Variants in TGFBR2 observed in about 807,000 individuals in gnomAD.
TGFBR2 encodes the protein transforming growth factor beta receptor 2.
A neutral mutation model predicts 49.0 loss-of-function variants in TGFBR2; 18 were observed. The ratio of observed to expected loss-of-function variants is 0.37; its 90% CI spans 0.25 to 0.54. The LOEUF (loss-of-function observed/expected upper bound fraction) is 0.54, where lower values mean the gene tolerates loss of function less well. TGFBR2 is among the 20% of genes least tolerant of loss of function. TGFBR2 has a pLI of 0.85. For synonymous variants in TGFBR2, 282 were observed against 275.9 expected (o/e 1.02, Z -0.22); for missense variants, 525 against 722.6 (o/e 0.73, Z 3.13).
At chr3:30,608,576 A>G (rs1697977580) in intron 1 of TGFBR2, among the ~76,000 whole-genome samples, 1 of 152,190 alleles carries the variant, frequency 6.6e-6, no homozygotes, top group African/African-American at 2.4e-5. Flanking sequence ...TTGTCTAGAA[A>G]AAATGCGCAT....
At chr3:30,636,700 C>T (rs1485411027) in intron 1 of TGFBR2, among the ~76,000 whole-genome samples, 1 of 151,406 alleles carries the variant, frequency 6.6e-6, no homozygotes, top group Non-Finnish European at 1.5e-5. Flanking sequence ...CTCCCAGAGA[C>T]CGTCTAAATA....
chr3:30,688,662 T>C lies in TGFBR2; in HGVS notation c.1524+151T>C, dbSNP rs867781770. The C allele has an allele frequency of 1.3e-4, 141 of 1,093,064 alleles. No individual in the cohort carries two copies. The South Asian group carries it at 1.5e-3, about 11-fold the overall frequency. The allele number at this position is 1,093,064 out of a possible 1,614,324, so 67.7% of individuals were successfully genotyped here. A position where few individuals can be genotyped will look rare whatever the true frequency, so the allele number is the denominator to read the frequency against. The stretch of plus-strand genomic sequence containing the variant: ...ATTTTGTTTATAAAGCAAATTTCAA[T>C]ACAGTGGATAACCCAATTATTATAG... On this transcript the variant is annotated intron_variant, in intron 6 of 6. Transcript: ENST00000295754.
chr3:30,608,683 A>G (rs999091828), intron 1 of TGFBR2, among the ~76,000 whole-genome samples: 2 of 152,210 alleles, frequency 1.3e-5, no homozygotes, highest in Non-Finnish European at 2.9e-5. Flanking sequence ...GGAAGCTTTT[A>G]ATCAAATTAG....
chr3:30,661,563 C>G, intron 3 of TGFBR2: 1 of 514,352 alleles, frequency 1.9e-6, no homozygotes, highest in Non-Finnish European at 3.9e-6. Context: ...TAGGTTCAAA[C>G]AATCGATTGC....
chr3:30,642,353 T>C (rs1698662223), intron 1 of TGFBR2, among the ~76,000 whole-genome samples: 1 of 152,176 alleles, frequency 6.6e-6, no homozygotes, highest in Admixed American at 6.5e-5. Flanking sequence ...ATTGTGTTTT[T>C]TCCAACTAAC....
At chr3:30,663,091 A>C (rs1699167557) in intron 3 of TGFBR2, among the ~76,000 whole-genome samples, 1 of 152,212 alleles carries the variant, frequency 6.6e-6, no homozygotes, top group Non-Finnish European at 1.5e-5. Flanking sequence ...GTAACATGCC[A>C]ACAAAATTTT....
chr3:30,662,001 CTG>C (rs1269355341), intron 3 of TGFBR2, among the ~76,000 whole-genome samples: 12 of 152,032 alleles, frequency 7.9e-5, no homozygotes, highest in Non-Finnish European at 1.8e-4. Context: ...GAAAACATGG[CTG>C]TTCAACCTGA....
chr3:30,651,800 A>G (rs1698893133), intron 3 of TGFBR2, among the ~76,000 whole-genome samples: 1 of 152,268 alleles, frequency 6.6e-6, no homozygotes, highest in African/African-American at 2.4e-5. Flanking sequence ...GGATGTAAGC[A>G]TATGGATTTC....
intron 1 of TGFBR2, among the ~76,000 whole-genome samples, chr3:30,624,100 G>T (rs1265713712): frequency 6.6e-6 from 1 of 152,098 alleles, no homozygotes; most frequent in East Asian, 1.9e-4. Context: ...CCGAGATCAT[G>T]CCATTGCACT....
chr3:30,607,827 AT>A (rs1459135281), intron 1 of TGFBR2, among the ~76,000 whole-genome samples: 1 of 132,740 alleles, frequency 7.5e-6, no homozygotes, highest in Non-Finnish European at 1.5e-5. Flanking sequence ...ATATATATAA[AT>A]ATATATATAA....
At chr3:30,662,583 A>C (rs1388868094) in intron 3 of TGFBR2, among the ~76,000 whole-genome samples, 1 of 152,248 alleles carries the variant, frequency 6.6e-6, no homozygotes, top group African/African-American at 2.4e-5. Context: ...CTAGAAGTTA[A>C]ATTAAATCCT....
chr3:30,660,963 G>A (rs1006589638), intron 3 of TGFBR2, among the ~76,000 whole-genome samples: 2 of 152,192 alleles, frequency 1.3e-5, no homozygotes, highest in African/African-American at 4.8e-5. Context: ...CACCTGGAAA[G>A]CCAGGGAGAG....
At chr3:30,646,490 C>G (rs1352734839) in intron 2 of TGFBR2, among the ~76,000 whole-genome samples, 3 of 152,152 alleles carry the variant, frequency 2.0e-5, no homozygotes, top group African/African-American at 7.2e-5. Context: ...AATTGAAAGG[C>G]TCTCAGGTAG....
chr3:30,613,843 A>G (rs1424296406), intron 1 of TGFBR2, among the ~76,000 whole-genome samples: 1 of 152,142 alleles, frequency 6.6e-6, no homozygotes, highest in African/African-American at 2.4e-5. Context: ...AAATGTTTTG[A>G]CTTATGGTAC....
Position 30,651,326 on chromosome 3 carries a change from T to A in TGFBR2, c.454+866T>A, listed in dbSNP as rs1559459291. 2.0e-5 allele frequency among the ~76,000 whole-genome samples: 3 copies of A among 152,164 alleles called. No individual in the cohort carries two copies. In the South Asian group the frequency reaches 6.2e-4, roughly 31 times the overall value. On this transcript the variant is annotated intron_variant, in intron 3 of 6. Transcript: ENST00000295754. ...AATGTATTAGATGCACACACGTCTC[T>A]ATCATTCATTCATATTATCTCCCAC...
chr3:30,634,658 T>A (rs1047618844), intron 1 of TGFBR2, among the ~76,000 whole-genome samples: 3 of 152,244 alleles, frequency 2.0e-5, no homozygotes, highest in African/African-American at 7.2e-5. Context: ...TCTGTGCCAT[T>A]TACCAATGTT....
intron 2 of TGFBR2, among the ~76,000 whole-genome samples, chr3:30,645,357 C>G (rs2125405240): frequency 1.3e-5 from 2 of 152,160 alleles, no homozygotes; most frequent in South Asian, 4.2e-4. Context: ...AGAAAACTAC[C>G]AGCCAAAAAT....
intron 1 of TGFBR2, among the ~76,000 whole-genome samples, chr3:30,609,015 C>T (rs889489432): frequency 1.3e-5 from 2 of 152,202 alleles, no homozygotes; most frequent in Non-Finnish European, 2.9e-5. Context: ...AAATTCCAGA[C>T]CCAATAGTTC....
At chr3:30,681,386 A>G (rs1406364789) in intron 5 of TGFBR2, among the ~76,000 whole-genome samples, 1 of 152,060 alleles carries the variant, frequency 6.6e-6, no homozygotes, top group South Asian at 2.1e-4. Context: ...CTGCCCTGTT[A>G]CATTGGGACT....
Sources: allele counts gnomAD v4.1 joint callset (sites outside exome capture counted in the v4.1 genomes callset), GRCh38; gene constraint gnomAD v4.1.1; transcripts MANE v1.5; gene names NCBI Gene and HGNC (gene_info 2026-07-23, HGNC 2026-07-21).